PTPN13: variants seen among roughly 807,000 people sequenced by gnomAD.
PTPN13 encodes tyrosine-protein phosphatase non-receptor type 13.
A neutral mutation model predicts 284.0 loss-of-function variants in PTPN13; 191 were observed. The observed-to-expected ratio is 0.67, with a 90% CI of 0.60 to 0.76. The LOEUF is 0.76. PTPN13 is among the 30% of genes least tolerant of loss of function. PTPN13 has a pLI of 0.00. For synonymous variants in PTPN13, 986 were observed against 1,022.3 expected (o/e 0.96, Z 0.68); for missense variants, 2,797 against 2,939.9 (o/e 0.95, Z 1.12).
At position 86,807,883 on chromosome 4, in the gene PTPN13, C is replaced by G. The variant is rs1345751969; in HGVS notation, c.7069C>G (p.Leu2357Val). ...LKGFVVRAMT[L>V]EDIQTREVRH... ...GGGCTTTGTGGTGAGGGCAATGACC[C>G]TTGAAGATATTCAGGTAAGTGAATG... Residue 2357 changes from leucine to valine, a missense_variant, in exon 45 of 48, where the codon CTT (leucine) becomes GTT (valine). Coordinates refer to ENST00000411767, the MANE Select transcript of PTPN13 (RefSeq NM_080683.3). 3 of 1,609,960 alleles carry G rather than the reference C, an allele frequency of 1.9e-6. No homozygotes were observed. The highest frequency in any genetic ancestry group is 1.7e-6 in the Non-Finnish European group (2 of 1,177,304).
At chr4:86,790,286 G>A (rs1004665652) in intron 40 of PTPN13, among the ~76,000 whole-genome samples, 12 of 152,016 alleles carry the variant, frequency 7.9e-5, no homozygotes, top group Non-Finnish European at 1.5e-5. Flanking sequence ...ATTTAATTAT[G>A]GTACTTTTTA....
intron 2 of PTPN13, among the ~76,000 whole-genome samples, chr4:86,640,633 T>C (rs553602781): frequency 6.6e-6 from 1 of 152,278 alleles, no homozygotes; most frequent in South Asian, 2.1e-4. Context: ...CCTCTTTTTA[T>C]TATACTAATG....
rs1337174545 is a variant in PTPN13 at position 86,594,636 on chromosome 4, TA to T, written c.-158del. 6.6e-6 allele frequency: 1 copy of T among 152,116 alleles called. No homozygotes were observed. Among genetic ancestry groups the T allele is most frequent in the Non-Finnish European group, 1.5e-5 (1 of 68,058 alleles). 9.4% of individuals were successfully genotyped at this position (152,116 alleles called of 1,614,324 possible). A position where few individuals can be genotyped will look rare whatever the true frequency, so the allele number is the denominator to read the frequency against. ...CTTCTCCCCCTCCCCAGGCTCCTTC[TA>T]CAGCTCCTTCAGCCCACGCCCGCAG... On this transcript the variant is annotated 5_prime_UTR_variant, in exon 1 of 48. The change abolishes the stop of an existing upstream ORF in the 5' untranslated region. Coordinates refer to ENST00000411767, the MANE Select transcript of PTPN13 (RefSeq NM_080683.3).
intron 2 of PTPN13, among the ~76,000 whole-genome samples, chr4:86,659,693 G>A (rs1726254388): frequency 1.3e-5 from 2 of 152,086 alleles, no homozygotes; most frequent in Admixed American, 6.6e-5. Flanking sequence ...GTGCACGCCT[G>A]TAGTCCCAGC....
chr4:86,650,148 G>A lies in PTPN13; in HGVS notation c.115+14777G>A, dbSNP rs182638222. ...ATTGCAGGTGCCCACCACCACACCC[G>A]GATAATTTTTGTGTTTTTAGTAGAG... On this transcript the variant is annotated intron_variant, in intron 2 of 47. Transcript: ENST00000411767. Among the ~76,000 whole-genome samples the A allele has an allele frequency of 2.4e-3, 365 of 151,434 alleles. 3 individuals carry two copies. Among genetic ancestry groups the A allele is most frequent in the Middle Eastern group, 0.014 (4 of 286 alleles).
chr4:86,621,169 T>C (rs1721189822), intron 1 of PTPN13, among the ~76,000 whole-genome samples: 1 of 152,240 alleles, frequency 6.6e-6, no homozygotes, highest in South Asian at 2.1e-4. Context: ...CTGCAGGCTG[T>C]GAATGTAGAC....
At chr4:86,716,865 A>G (rs1415342865) in intron 8 of PTPN13, among the ~76,000 whole-genome samples, 159 bp from the exon 9 acceptor site, 1 of 152,210 alleles carries the variant, frequency 6.6e-6, no homozygotes, top group Non-Finnish European at 1.5e-5. Flanking sequence ...TAAAAGTAAC[A>G]TGATTTACCT....
At chr4:86,623,654 G>A (rs900932087) in intron 1 of PTPN13, among the ~76,000 whole-genome samples, 4 of 152,046 alleles carry the variant, frequency 2.6e-5, no homozygotes, top group Non-Finnish European at 4.4e-5. Context: ...TCAACATTTG[G>A]GATTATGACT....
At chr4:86,682,736 A>T (rs1443334451) in intron 3 of PTPN13, among the ~76,000 whole-genome samples, 1 of 152,214 alleles carries the variant, frequency 6.6e-6, no homozygotes, top group Non-Finnish European at 1.5e-5. Flanking sequence ...ACATCTTTGT[A>T]TCAGTGATCT....
At chr4:86,649,982 CTGTTT>C (rs569836224) in intron 2 of PTPN13, among the ~76,000 whole-genome samples, 12 of 152,026 alleles carry the variant, frequency 7.9e-5, no homozygotes, top group East Asian at 5.8e-4. Flanking sequence ...ATTTTCATCA[CTGTTT>C]TGTTTTGTTT....
At chr4:86,730,002 G>C (rs1412574133) in intron 10 of PTPN13, among the ~76,000 whole-genome samples, 1 of 149,572 alleles carries the variant, frequency 6.7e-6, no homozygotes, top group Non-Finnish European at 1.5e-5. Flanking sequence ...CCTACAGATG[G>C]GGTTTGGTGT....
intron 17 of PTPN13, among the ~76,000 whole-genome samples, chr4:86,750,027 G>T (rs1326589828): frequency 6.6e-6 from 1 of 152,134 alleles, no homozygotes; most frequent in African/African-American, 2.4e-5. Flanking sequence ...AGCTTTTTCA[G>T]GTGTGTATTC....
At chr4:86,724,298 A>G (rs943761328) in intron 10 of PTPN13, among the ~76,000 whole-genome samples, 3 of 152,208 alleles carry the variant, frequency 2.0e-5, no homozygotes, top group South Asian at 2.1e-4. Context: ...GCAGGATGTC[A>G]TACAATATAG....
rs112584659 is a variant in PTPN13, at chr4:86,734,598, A to G, written c.2013-139A>G. 2.3e-4 allele frequency: 292 copies of G among 1,271,602 alleles called. 1 individual carries two copies. In the African/African-American group the frequency reaches 4.0e-3, roughly 17 times the overall value. 78.8% of individuals were successfully genotyped at this position (1,271,602 alleles called of 1,614,324 possible). ...AGTAATATTTCTTTCAACACAGTTT[A>G]TCTAATCCTTATGCCTTAAAAGCTT... On this transcript the variant is annotated intron_variant, in intron 13 of 47. Coordinates refer to ENST00000411767, the MANE Select transcript of PTPN13 (RefSeq NM_080683.3).
intron 2 of PTPN13, among the ~76,000 whole-genome samples, chr4:86,639,048 T>G (rs1054008071): frequency 1.2e-4 from 19 of 152,246 alleles, no homozygotes; most frequent in African/African-American, 3.9e-4. Context: ...AAAGAAGACA[T>G]TTACGCAGCC....
chr4:86,653,644 T>TA (rs1022370543), intron 2 of PTPN13, among the ~76,000 whole-genome samples: 6 of 152,062 alleles, frequency 3.9e-5, no homozygotes, highest in African/African-American at 1.4e-4. Flanking sequence ...GTCCATAATA[T>TA]AAAATACTCC....
At chr4:86,733,490 A>G (rs765531098) in intron 12 of PTPN13, among the ~76,000 whole-genome samples, 1 of 152,168 alleles carries the variant, frequency 6.6e-6, no homozygotes, top group Non-Finnish European at 1.5e-5. Context: ...CTAAAACTCT[A>G]TAAGCTCTTA....
chr4:86,734,968 T>G (rs1406857282), intron 14 of PTPN13, 93 bp downstream of exon 14: 1 of 1,391,800 alleles, frequency 7.2e-7, no homozygotes, highest in Non-Finnish European at 9.6e-7. Context: ...TGTTTGATGT[T>G]TAGATCTGAA....
At chr4:86,617,435 T>A (rs1431201801) in intron 1 of PTPN13, among the ~76,000 whole-genome samples, 1 of 152,176 alleles carries the variant, frequency 6.6e-6, no homozygotes, top group African/African-American at 2.4e-5. Context: ...TTTACTTTTT[T>A]AAATTATATT....
Sources: allele counts gnomAD v4.1 joint callset (sites outside exome capture counted in the v4.1 genomes callset), GRCh38; gene constraint gnomAD v4.1.1; transcripts MANE v1.5; gene names NCBI Gene and HGNC (gene_info 2026-07-23, HGNC 2026-07-21).